PPP2R5C: variants seen among roughly 807,000 people sequenced by gnomAD.
PPP2R5C encodes the protein serine/threonine-protein phosphatase 2A 56 kDa regulatory subunit gamma isoform.
PPP2R5C carries 7 observed loss-of-function variants against 68.9 expected under a neutral mutation model. That is an observed-to-expected ratio of 0.10 (90% confidence interval 0.06 to 0.19). The LOEUF is 0.19. Among genes scored for constraint, PPP2R5C ranks in the 10% least tolerant of loss-of-function variants. The pLI, the probability that PPP2R5C is intolerant of heterozygous loss-of-function variation, is 1.00. For synonymous variants in PPP2R5C, 210 were observed against 222.2 expected (o/e 0.95, Z 0.49); for missense variants, 348 against 641.3 (o/e 0.54, Z 4.94).
intron 3 of PPP2R5C, among the ~76,000 whole-genome samples, chr14:101,803,004 C>T (rs2038933495): frequency 6.8e-6 from 1 of 147,122 alleles, no homozygotes; most frequent in Middle Eastern, 3.4e-3. Flanking sequence ...CACTTGAGCT[C>T]AAGAGTTTGA....
intron 1 of PPP2R5C, among the ~76,000 whole-genome samples, chr14:101,827,580 C>T (rs1031237308): frequency 3.3e-5 from 5 of 152,202 alleles, no homozygotes; most frequent in African/African-American, 7.2e-5. Context: ...CTTTCTCTCG[C>T]GAAGCTTCTA....
intron 1 of PPP2R5C, among the ~76,000 whole-genome samples, chr14:101,817,258 G>GA (rs1332026694): frequency 6.6e-6 from 1 of 152,046 alleles, no homozygotes; most frequent in African/African-American, 2.4e-5. Flanking sequence ...CCCAGGATGA[G>GA]AAATATATTT....
chr14:101,859,415 A>G (rs561156257), intron 2 of PPP2R5C, among the ~76,000 whole-genome samples: 7 of 152,374 alleles, frequency 4.6e-5, no homozygotes, highest in African/African-American at 1.7e-4. Context: ...AGATGGGCAC[A>G]CATGAGATGC....
rs1286401339 is a variant in PPP2R5C at position 101,797,531 on chromosome 14, C to T, written c.259+11348C>T. The T allele has an allele frequency of 3.4e-6, 1 of 295,030 alleles. No homozygotes were observed. Among genetic ancestry groups the T allele is most frequent in the Non-Finnish European group, 6.8e-6 (1 of 146,902 alleles). 18.3% of individuals were successfully genotyped at this position (295,030 alleles called of 1,614,324 possible). A position where few individuals can be genotyped will look rare whatever the true frequency, so the allele number is the denominator to read the frequency against. Reference sequence around the variant, plus strand: ...CACCGAGATGGTTGTGGTGTCACCTCTCGTGGGGTGGCCAAAACCCCAGCC... The same window carrying T: ...CACCGAGATGGTTGTGGTGTCACCTTTCGTGGGGTGGCCAAAACCCCAGCC... On this transcript the variant is annotated intron_variant, in intron 3 of 14. Transcript: ENST00000328724. This position sits in a 1 kb window ranked among gnomAD's most constrained non-coding sequence, Gnocchi z 4.2.
intron 6 of PPP2R5C, among the ~76,000 whole-genome samples, 156 bp downstream of exon 8, chr14:101,890,452 G>A (rs1274765324): frequency 6.6e-6 from 1 of 152,182 alleles, no homozygotes; most frequent in Non-Finnish European, 1.5e-5. Context: ...GAGTTGGTGA[G>A]CTCTTAGATT....
At chr14:101,894,280 C>A (rs989155911) in intron 7 of PPP2R5C, among the ~76,000 whole-genome samples, 1 of 152,200 alleles carries the variant, frequency 6.6e-6, no homozygotes. Flanking sequence ...GGTGGTTAGA[C>A]TAAAAAGACT....
At chr14:101,785,767 T>G (rs2038063368) in intron 2 of PPP2R5C, among the ~76,000 whole-genome samples, 3 of 152,166 alleles carry the variant, frequency 2.0e-5, no homozygotes, top group Admixed American at 1.3e-4. Context: ...TCAACCTATG[T>G]GGTAAATATT....
chr14:101,855,407 G>A (rs776629956), intron 1 of PPP2R5C, among the ~76,000 whole-genome samples: 2 of 152,142 alleles, frequency 1.3e-5, no homozygotes, highest in Non-Finnish European at 2.9e-5. Context: ...TCAGATAGTC[G>A]TGGACATTTG....
intron 13 of PPP2R5C, chr14:101,921,054 CTTTTTTTTTTTTTTT>C (rs35320139): frequency 5.9e-5 from 3 of 51,192 alleles, no homozygotes; most frequent in South Asian, 3.7e-4. Flanking sequence ...ATAAATTCTG[CTTTTTTTTTTTTTTT>C]TTTTTTTTTT....
rs1011369141 is a variant in PPP2R5C at position 101,879,530 on chromosome 14, C to T, written c.295-2631C>T. The stretch of plus-strand genomic sequence containing the variant: ...TCAGGCCCTGATGTCACAGGCTGTT[C>T]CCAGAGTCTCCTGCCAGGCATAGTC... On this transcript the variant is annotated intron_variant, in intron 2 of 13. Transcript: ENST00000334743. The surrounding 1 kb of genome is among the most constrained non-coding windows in gnomAD (Gnocchi z 4.2). 6.6e-6 allele frequency among the ~76,000 whole-genome samples: 1 copy of T among 152,240 alleles called. No homozygotes were observed. Among genetic ancestry groups the T allele is most frequent in the Non-Finnish European group, 1.5e-5 (1 of 68,044 alleles).
At position 101,919,143 on chromosome 14, in the gene PPP2R5C, G is replaced by T. The variant is rs3783371; in HGVS notation, c.1443+1196G>T. On this transcript the variant is annotated intron_variant, in intron 13 of 13. Transcript: ENST00000334743. Reference sequence around the variant, plus strand: ...GACGCCATATCCCCGGCTCCTTTCCGGAGTTGCACAGGAAAGGGCTCACGG... The same window carrying T: ...GACGCCATATCCCCGGCTCCTTTCCTGAGTTGCACAGGAAAGGGCTCACGG... Among the ~76,000 whole-genome samples the T allele has an allele frequency of 3.9e-5, 6 of 152,330 alleles. No homozygotes were observed. The East Asian group carries it at 1.2e-3, about 29-fold the overall frequency.
chr14:101,820,024 G>C (rs2039956095), intron 1 of PPP2R5C: 1 of 152,202 alleles, frequency 6.6e-6, no homozygotes, highest in African/African-American at 2.4e-5. Flanking sequence ...CATGTGATGT[G>C]TGAGTTATGA....
Position 101,871,105 on chromosome 14 carries a change from C to G in PPP2R5C, c.295-11056C>G, listed in dbSNP as rs564923102. Among the ~76,000 whole-genome samples the G allele has an allele frequency of 3.3e-5, 5 of 152,248 alleles. No individual in the cohort carries two copies. In the East Asian group the frequency reaches 9.6e-4, roughly 29 times the overall value. Reference sequence around the variant, plus strand: ...TATAGCCATTCCAGCGCTCTTCTGACTAGTGTTGGCATGGTATGTCTTTTT... The same window carrying G: ...TATAGCCATTCCAGCGCTCTTCTGAGTAGTGTTGGCATGGTATGTCTTTTT... On this transcript the variant is annotated intron_variant, in intron 2 of 13. Coordinates refer to ENST00000334743, the Ensembl canonical transcript of PPP2R5C.
Position 101,891,896 on chromosome 14 carries a change from G to A in PPP2R5C, c.690-1104G>A, listed in dbSNP as rs1566945577. 6.6e-6 allele frequency among the ~76,000 whole-genome samples: 1 copy of A among 152,188 alleles called. No individual in the cohort carries two copies. The highest frequency in any genetic ancestry group is 2.4e-5 in the African/African-American group (1 of 41,454). On this transcript the variant is annotated intron_variant, in intron 6 of 13. Transcript: ENST00000334743. The surrounding 1 kb of genome is among the most constrained non-coding windows in gnomAD (Gnocchi z 4.9). Reference sequence around the variant, plus strand: ...TTGTTTGAGACAAAAACTTTGCTTTGGAGGCTCTAGGTAGGACCTCTTTTC... The same window carrying A: ...TTGTTTGAGACAAAAACTTTGCTTTAGAGGCTCTAGGTAGGACCTCTTTTC...
rs917778198 is a variant in PPP2R5C, at chr14:101,891,588, G to GCCGTGTGCGTAGGGCCC, written c.689+1301_689+1317dup. On this transcript the variant is annotated intron_variant, in intron 6 of 13. Coordinates refer to ENST00000334743, the Ensembl canonical transcript of PPP2R5C. The surrounding 1 kb of genome is among the most constrained non-coding windows in gnomAD (Gnocchi z 4.9). ...TGACATGTGTTCCACAGCCCGCCAT[G>GCCGTGTGCGTAGGGCCC]CCGTGTGCGTAGGGCCCCCGTGTGC... 6.6e-6 allele frequency among the ~76,000 whole-genome samples: 1 copy of GCCGTGTGCGTAGGGCCC among 152,144 alleles called. No individual in the cohort carries two copies. Among genetic ancestry groups the GCCGTGTGCGTAGGGCCC allele is most frequent in the Non-Finnish European group, 1.5e-5 (1 of 68,014 alleles).
chr14:101,876,940 C>CTTT (rs11318528), intron 2 of PPP2R5C, among the ~76,000 whole-genome samples: 19 of 90,892 alleles, frequency 2.1e-4, no homozygotes, highest in Non-Finnish European at 3.2e-4. Context: ...AGGATTTACG[C>CTTT]TTTTTTTTTT....
At chr14:101,846,493 C>T (rs866979660) in intron 1 of PPP2R5C, among the ~76,000 whole-genome samples, 5 of 152,270 alleles carry the variant, frequency 3.3e-5, no homozygotes, top group Admixed American at 6.5e-5. Context: ...AGTCATCTAC[C>T]GAGTTACAAA....
chr14:101,793,015 T>G (rs2038432411), intron 3 of PPP2R5C, among the ~76,000 whole-genome samples: 1 of 152,072 alleles, frequency 6.6e-6, no homozygotes, highest in Non-Finnish European at 1.5e-5. Flanking sequence ...GTAGCTAGGA[T>G]TACAGGCGTG....
rs556559083 is a variant in PPP2R5C at position 101,924,681 on chromosome 14, TC to T, written c.1444-458del. ...TGATCTTGACCTCTTGACCTCGTGA[TC>T]CGTCCGCCTCGGCCTCCCAAAGTGC... On this transcript the variant is annotated intron_variant, in intron 13 of 13. Transcript: ENST00000334743. Among the ~76,000 whole-genome samples the T allele has an allele frequency of 2.2e-3, 329 of 152,082 alleles. 4 individuals are homozygous for T. Among genetic ancestry groups the T allele is most frequent in the African/African-American group, 7.6e-3 (315 of 41,472 alleles).
Sources: allele counts gnomAD v4.1 joint callset (sites outside exome capture counted in the v4.1 genomes callset), GRCh38; gene constraint gnomAD v4.1.1; non-coding constraint Gnocchi (gnomAD v3.1); transcripts MANE v1.5; gene names NCBI Gene and HGNC (gene_info 2026-07-23, HGNC 2026-07-21).